RYR3: variants seen among roughly 807,000 people sequenced by gnomAD.
The protein encoded by RYR3 is ryanodine receptor 3.
A neutral mutation model predicts 584.3 loss-of-function variants in RYR3; 207 were observed. That is an observed-to-expected ratio of 0.35 (90% CI 0.32 to 0.40). RYR3 has a LOEUF of 0.40. RYR3 is among the 10% of genes least tolerant of loss of function. The pLI is 1.00. For missense variants in RYR3, 5,616 were observed against 6,089.2 expected, an observed-to-expected ratio of 0.92 and a Z score of 2.59; for synonymous variants, 2,416 against 2,248.5, an observed-to-expected ratio of 1.07 and a Z score of -2.11.
intron 27 of RYR3, among the ~76,000 whole-genome samples, chr15:33,637,460 G>C (rs760968953): frequency 3.3e-5 from 5 of 152,246 alleles, no homozygotes; most frequent in Non-Finnish European, 5.9e-5. Context: ...GGGCTGTGCT[G>C]GATCAGGAGA....
intron 1 of RYR3, among the ~76,000 whole-genome samples, chr15:33,456,686 G>T (rs1018544603): frequency 2.5e-4 from 38 of 152,166 alleles, no homozygotes; most frequent in African/African-American, 8.4e-4. Context: ...TGAGAAATGG[G>T]GCCATGAGCA....
chr15:33,560,748 G>A (rs12439812), intron 10 of RYR3, among the ~76,000 whole-genome samples: 132,353 of 152,178 alleles, frequency 0.87, 58,298 homozygotes, highest in Middle Eastern at 0.98. Context: ...TGTTTTATAG[G>A]ATAAATGCAT....
chr15:33,598,576 C>T (rs759796849), intron 16 of RYR3, among the ~76,000 whole-genome samples: 1 of 151,466 alleles, frequency 6.6e-6, no homozygotes, highest in Non-Finnish European at 1.5e-5. Context: ...AAACCAGTTT[C>T]TTACCTAGTG....
At chr15:33,489,891 G>A (rs1361741682) in intron 2 of RYR3, among the ~76,000 whole-genome samples, 7 of 151,480 alleles carry the variant, frequency 4.6e-5, no homozygotes, top group East Asian at 1.9e-4. Flanking sequence ...AATAATGGCC[G>A]TTCTGACTGA....
intron 62 of RYR3, among the ~76,000 whole-genome samples, chr15:33,771,711 T>C (rs1229663224): frequency 4.6e-5 from 7 of 152,222 alleles, no homozygotes; most frequent in Admixed American, 3.9e-4. Context: ...AGCAATGTTT[T>C]CCTCAGACTG....
chr15:33,842,351 G>C (rs547392430), intron 91 of RYR3, among the ~76,000 whole-genome samples: 3 of 152,342 alleles, frequency 2.0e-5, no homozygotes, highest in Admixed American at 2.0e-4. Flanking sequence ...TGGGGACTTA[G>C]CCAATCCTGG....
At position 33,592,012 on chromosome 15, in the gene RYR3, G is replaced by T. The variant is rs566061376; in HGVS notation, c.1788+5896G>T. On this transcript the variant is annotated intron_variant, in intron 16 of 103. Coordinates refer to ENST00000634891, the MANE Select transcript of RYR3 (RefSeq NM_001036.6). ...CCCATATAAGCTTGTGTTTGGGATA[G>T]ACAGTAATAGAGATAAAAAGCAAAA... Among the ~76,000 whole-genome samples, 3 of 152,286 alleles carry T rather than the reference G, an allele frequency of 2.0e-5. No homozygotes were observed. The East Asian group carries it at 5.8e-4, about 29-fold the overall frequency.
At chr15:33,725,711 G>C (rs985968371) in intron 45 of RYR3, among the ~76,000 whole-genome samples, 1 of 151,114 alleles carries the variant, frequency 6.6e-6, no homozygotes, top group African/African-American at 2.4e-5. Flanking sequence ...TGTGATCCCA[G>C]CACTTTGGGA....
intron 84 of RYR3, 62 bp from the exon 85 acceptor site, chr15:33,827,137 G>A: frequency 7.5e-7 from 1 of 1,332,108 alleles, no homozygotes; most frequent in Non-Finnish European, 1.1e-6. Flanking sequence ...TCAGCTGAGA[G>A]GGCATGCTTG....
intron 18 of RYR3, among the ~76,000 whole-genome samples, chr15:33,609,433 A>T (rs574061328): frequency 1.3e-5 from 2 of 152,294 alleles, no homozygotes; most frequent in African/African-American, 2.4e-5. Flanking sequence ...AGGTGGGAGG[A>T]TCAGTTGAAG....
At chr15:33,805,935 C>T (rs1485997999) in intron 69 of RYR3, among the ~76,000 whole-genome samples, 1 of 150,264 alleles carries the variant, frequency 6.7e-6, no homozygotes, top group Admixed American at 6.7e-5. Context: ...CCCCTTTTCT[C>T]CTCCCTTCCC....
At chr15:33,535,571 A>G (rs1453180428) in intron 5 of RYR3, among the ~76,000 whole-genome samples, 1 of 152,226 alleles carries the variant, frequency 6.6e-6, no homozygotes, top group Non-Finnish European at 1.5e-5. Context: ...CTTTCTAAAT[A>G]TAGACCAACT....
chr15:33,483,646 C>A (rs1441132150), intron 2 of RYR3, among the ~76,000 whole-genome samples: 1 of 152,210 alleles, frequency 6.6e-6, no homozygotes, highest in Non-Finnish European at 1.5e-5. Flanking sequence ...TTTTGCCATT[C>A]CAGAAATAAG....
At chr15:33,351,026 G>GA (rs1166625566) in intron 1 of RYR3, among the ~76,000 whole-genome samples, 2 of 151,636 alleles carry the variant, frequency 1.3e-5, no homozygotes, top group African/African-American at 4.8e-5. Flanking sequence ...GACTAATAAA[G>GA]AAAAAAAGAG....
chr15:33,460,444 C>G (rs2047925634), intron 1 of RYR3, among the ~76,000 whole-genome samples: 2 of 152,240 alleles, frequency 1.3e-5, no homozygotes, highest in South Asian at 4.2e-4. Context: ...TTGGGAAGAA[C>G]TTGAAGTTTG....
Position 33,390,702 on chromosome 15 carries a change from CACAA to C in RYR3, c.51+79611_51+79614del, listed in dbSNP as rs2041940588. On this transcript the variant is annotated intron_variant, in intron 1 of 103. Transcript: ENST00000634891. The surrounding 1 kb of genome is among the most constrained non-coding windows in gnomAD (Gnocchi z 4.2). ...TGGTTCACTCTGCGTAGATTGTTTG[CACAA>C]ACAATGTGATTTATGCCGAACACCT... Among the ~76,000 whole-genome samples, 1 of 152,112 alleles carries C rather than the reference CACAA, an allele frequency of 6.6e-6. No individual in the cohort carries two copies. The highest frequency in any genetic ancestry group is 6.5e-5 in the Admixed American group (1 of 15,268).
At chr15:33,770,784 C>G (rs940555722) in intron 62 of RYR3, among the ~76,000 whole-genome samples, 1 of 151,924 alleles carries the variant, frequency 6.6e-6, no homozygotes, top group African/African-American at 2.4e-5. Context: ...AGGATAAGAA[C>G]AAGCCTAACT....
rs1313365818 is a variant in RYR3 at position 33,694,420 on chromosome 15, A to G, written c.5861-1798A>G. On this transcript the variant is annotated intron_variant, in intron 38 of 103. Transcript: ENST00000634891. The stretch of plus-strand genomic sequence containing the variant: ...CCATCACGCCCGGTTAATTTTTTGT[A>G]TTTTTAGTAGAGACGGGGTTTCACC... Among the ~76,000 whole-genome samples the G allele has an allele frequency of 5.3e-5, 8 of 151,324 alleles. No homozygotes were observed. The East Asian group carries it at 1.6e-3, about 30-fold the overall frequency.
chr15:33,626,653 G>A (rs1346598128), intron 20 of RYR3, among the ~76,000 whole-genome samples: 6 of 152,112 alleles, frequency 3.9e-5, no homozygotes, highest in Admixed American at 1.3e-4. Context: ...TCTGGGCTGG[G>A]CCCAGGGCCC....
Sources: allele counts gnomAD v4.1 joint callset (sites outside exome capture counted in the v4.1 genomes callset), GRCh38; gene constraint gnomAD v4.1.1; non-coding constraint Gnocchi (gnomAD v3.1); transcripts MANE v1.5; gene names NCBI Gene and HGNC (gene_info 2026-07-23, HGNC 2026-07-21).